Variants in NDUFA3 observed in about 807,000 individuals in gnomAD.
NDUFA3 encodes NADH dehydrogenase [ubiquinone] 1 alpha subcomplex subunit 3.
In NDUFA3, 10 loss-of-function variants were observed where a neutral mutation model predicts 11.4. The ratio of observed to expected loss-of-function variants is 0.87; its 90% CI spans 0.54 to 1.48. The LOEUF (loss-of-function observed/expected upper bound fraction) is 1.48, where lower values mean the gene tolerates loss of function less well. Ranked by LOEUF, NDUFA3 falls within the 40% of genes most tolerant of loss-of-function variation. The pLI, the probability that NDUFA3 is intolerant of heterozygous loss-of-function variation, is 0.00. For synonymous variants in NDUFA3, 39 were observed against 46.9 expected, an observed-to-expected ratio of 0.83 and a Z score of 0.68; for missense variants, 115 against 110.5, an observed-to-expected ratio of 1.04 and a Z score of -0.18.
chr19:54,104,282 C>A (rs1242514976), intron 2 of NDUFA3, among the ~76,000 whole-genome samples: 1 of 151,732 alleles, frequency 6.6e-6, no homozygotes, highest in Non-Finnish European at 1.5e-5. Flanking sequence ...GGATTACAGG[C>A]GAGCACCACC....
In NDUFA3 at chr19:54,106,874, C is replaced by A. The variant is rs764532496; in HGVS notation, c.227C>A (p.Pro76His). 1.2e-6 allele frequency: 2 copies of A among 1,613,614 alleles called. No individual in the cohort carries two copies. The highest frequency in any genetic ancestry group is 1.7e-6 in the Non-Finnish European group (2 of 1,179,930). ...VPSHPQDPQGPSLEWLKKL is the reference protein window; with the variant it reads ...VPSHPQDPQGHSLEWLKKL ...AGCCACCCCCAGGACCCTCAGGGCC[C>A]CAGCCTGGAGTGGCTGAAGAAACTG... is the stretch of plus-strand genomic sequence containing the variant. Residue 76 changes from proline (P) to histidine (H), a missense_variant, in exon 4 of 4, where the codon CCC becomes CAC. Transcript: ENST00000485876.
intron 2 of NDUFA3, 38 bp from the exon 3 acceptor site, chr19:54,105,896 C>A (rs759422056): frequency 5.8e-6 from 9 of 1,548,508 alleles, no homozygotes; most frequent in Non-Finnish European, 8.0e-6. Context: ...TCTTCAGAGC[C>A]ACCTTCCCCT....
intron 2 of NDUFA3, among the ~76,000 whole-genome samples, chr19:54,104,958 G>C (rs1203341349): frequency 6.6e-6 from 1 of 151,918 alleles, no homozygotes; most frequent in Non-Finnish European, 1.5e-5. Context: ...GGCTGGTCTC[G>C]AACTCCTGAC....
intron 2 of NDUFA3, among the ~76,000 whole-genome samples, chr19:54,103,619 G>GC (rs1285727026): frequency 2.0e-5 from 3 of 151,928 alleles, no homozygotes; most frequent in African/African-American, 7.3e-5. Context: ...CCCTGGAACT[G>GC]CCCTACTCAC....
chr19:54,105,767 T>C, intron 2 of NDUFA3, 167 bp from the exon 3 acceptor site: 1 of 692,170 alleles, frequency 1.4e-6, no homozygotes, highest in Non-Finnish European at 2.7e-6. Flanking sequence ...TAAACCCTCC[T>C]GTCTATAAGT....
At chr19:54,105,006 G>T (rs1316602124) in intron 2 of NDUFA3, among the ~76,000 whole-genome samples, 1 of 152,086 alleles carries the variant, frequency 6.6e-6, no homozygotes, top group South Asian at 2.1e-4. Context: ...CTAAAGTCCT[G>T]GGATTATAGG....
chr19:54,102,857 T>C lies in NDUFA3; in HGVS notation c.-22T>C, dbSNP rs750884345. 2 of 1,607,670 alleles carry C rather than the reference T, an allele frequency of 1.2e-6. No individual in the cohort carries two copies. The highest frequency in any genetic ancestry group is 1.1e-5 in the South Asian group (1 of 90,228). The stretch of plus-strand genomic sequence containing the variant: ...CCAGGGTGCTCCGCGTCCTCGCCGC[T>C]GTCGCCGCCGCGGAGACAAAGATGG... On this transcript the variant is annotated 5_prime_UTR_variant, in exon 1 of 4. Coordinates refer to ENST00000485876, the MANE Select transcript of NDUFA3 (RefSeq NM_004542.4).
chr19:54,105,801 C>A, intron 2 of NDUFA3, 133 bp from the exon 3 acceptor site: 1 of 755,726 alleles, frequency 1.3e-6, no homozygotes, highest in Non-Finnish European at 2.4e-6. Context: ...TACCAAGGAT[C>A]CTCCTGGACG....
Position 54,107,154 on chromosome 19 carries a change from C to A in NDUFA3, c.*252C>A, listed in dbSNP as rs149913762. 80 of 1,613,628 alleles carry A rather than the reference C, an allele frequency of 5.0e-5. No homozygotes were observed. The highest frequency in any genetic ancestry group is 6.4e-5 in the Non-Finnish European group (75 of 1,179,940). Reference sequence around the variant, plus strand: ...GCCTCATCTGCTTCAAAGCCAAAGTCTTCCTCAACCTTAATCTGCAGGAGA... The same window carrying A: ...GCCTCATCTGCTTCAAAGCCAAAGTATTCCTCAACCTTAATCTGCAGGAGA... On this transcript the variant is annotated 3_prime_UTR_variant, in exon 4 of 4. Coordinates refer to ENST00000485876, the MANE Select transcript of NDUFA3 (RefSeq NM_004542.4).
chr19:54,105,303 C>G (rs1302635037), intron 2 of NDUFA3, among the ~76,000 whole-genome samples: 4 of 101,208 alleles, frequency 4.0e-5, no homozygotes, highest in African/African-American at 1.5e-4. Flanking sequence ...GAGTCTCTCT[C>G]TGTTGCCCAG....
Position 54,103,188 on chromosome 19 carries a change from G to T in NDUFA3, c.85G>T (p.Ala29Ser). Residue 29 changes from alanine to serine, a missense_variant and splice_region_variant, in exon 2 of 4, where the codon GCT becomes TCT. Transcript: ENST00000485876. ...LVVSFVVGGL[A>S]VILPPLSPYF... ...CGTGTCCTTCGTCGTCGGGGGCCTC[G>T]GTGCGTGAGTGCTCCAGGCGCAAAC... 6.3e-7 allele frequency: 1 copy of T among 1,591,708 alleles called. No homozygotes were observed. The highest frequency in any genetic ancestry group is 1.1e-5 in the South Asian group (1 of 89,166).
At chr19:54,103,346 C>A (rs587684595) in intron 2 of NDUFA3, among the ~76,000 whole-genome samples, 158 bp downstream of exon 2, 1 of 152,022 alleles carries the variant, frequency 6.6e-6, no homozygotes, top group Non-Finnish European at 1.5e-5. Context: ...CCCATTATAA[C>A]CTCTCCACCA....
rs587710429 is a variant in NDUFA3 at position 54,107,231 on chromosome 19, C to T, written c.*329C>T. ...GGAATCTAGAAAATCCCATCAGCTT[C>T]ACCATTTTTGTTTTCATTTTGTTTT... On this transcript the variant is annotated 3_prime_UTR_variant, in exon 4 of 4. Transcript: ENST00000485876. 3 of 1,576,292 alleles carry T rather than the reference C, an allele frequency of 1.9e-6. No individual in the cohort carries two copies. Among genetic ancestry groups the T allele is most frequent in the Admixed American group, 1.9e-5 (1 of 51,566 alleles).
Position 54,107,495 on chromosome 19 carries a change from C to T in NDUFA3, c.*593C>T. On this transcript the variant is annotated 3_prime_UTR_variant, in exon 4 of 4. Coordinates refer to ENST00000485876, the MANE Select transcript of NDUFA3 (RefSeq NM_004542.4). Reference sequence around the variant, plus strand: ...GACTCCTGGCCTCAAGTGATCCTCCCACCTAGGCCTCCCAAAGTGCCGGGA... The same window carrying T: ...GACTCCTGGCCTCAAGTGATCCTCCTACCTAGGCCTCCCAAAGTGCCGGGA... 1 of 340,610 alleles carries T rather than the reference C, an allele frequency of 2.9e-6. No individual in the cohort carries two copies. The highest frequency in any genetic ancestry group is 5.4e-6 in the Non-Finnish European group (1 of 185,222). The allele number at this position is 340,610 out of a possible 1,614,324, so 21.1% of individuals were successfully genotyped here. A position where few individuals can be genotyped will look rare whatever the true frequency, so the allele number is the denominator to read the frequency against.
chr19:54,105,818 C>G (rs2073241898), intron 2 of NDUFA3, 116 bp from the exon 3 acceptor site: 1 of 834,866 alleles, frequency 1.2e-6, no homozygotes. Context: ...GACGTGCTGG[C>G]CCTCCCTGCT....
chr19:54,104,254 C>G (rs1600279141), intron 2 of NDUFA3, among the ~76,000 whole-genome samples: 1 of 151,612 alleles, frequency 6.6e-6, no homozygotes, highest in Non-Finnish European at 1.5e-5. Flanking sequence ...TCTCCTGCCT[C>G]CGCCTCCCAA....
In NDUFA3 at chr19:54,106,949, A is replaced by G. The variant is rs2073281913; in HGVS notation, c.*47A>G. On this transcript the variant is annotated 3_prime_UTR_variant, in exon 4 of 4. Coordinates refer to ENST00000485876, the MANE Select transcript of NDUFA3 (RefSeq NM_004542.4). ...GCCCCTCCCACGGCTCCCAATAAAAATGTGAAAACCAACCCCCGAACGTGA... is the reference window on the plus strand; with the variant it reads ...GCCCCTCCCACGGCTCCCAATAAAAGTGTGAAAACCAACCCCCGAACGTGA... 3.1e-6 allele frequency: 5 copies of G among 1,600,904 alleles called. No homozygotes were observed. Among genetic ancestry groups the G allele is most frequent in the Non-Finnish European group, 2.6e-6 (3 of 1,172,884 alleles).
At chr19:54,106,340 C>T (rs753257712) in intron 3 of NDUFA3, 14 of 397,994 alleles carry the variant, frequency 3.5e-5, no homozygotes, top group Non-Finnish European at 5.9e-5. Context: ...CAAACTTTTT[C>T]GTATTTTTTT....
At chr19:54,105,263 G>GATT (rs1201834834) in intron 2 of NDUFA3, among the ~76,000 whole-genome samples, 1 of 38,996 alleles carries the variant, frequency 2.6e-5, no homozygotes. Context: ...AGTTTGTAAG[G>GATT]CTTTTTTTTT....
Sources: gnomAD v4.1 joint callset for allele counts (sites outside exome capture counted in the v4.1 genomes callset) on GRCh38, gnomAD v4.1.1 for gene constraint, MANE v1.5 for transcripts, NCBI Gene and HGNC (gene_info 2026-07-23, HGNC 2026-07-21) for gene names.